Variants in FMNL3 observed in about 807,000 individuals in gnomAD.
FMNL3 encodes formin like 3, also known as formin-like protein 3.
FMNL3 carries 57 observed loss-of-function variants against 119.6 expected under a neutral mutation model. That is an observed-to-expected ratio of 0.48 (90% CI 0.39 to 0.59). The LOEUF is 0.59. FMNL3 is among the 20% of genes least tolerant of loss of function. The probability of loss-of-function intolerance (pLI) is 0.00; values close to 1 mark genes in which losing one functional copy is unlikely to be tolerated. For synonymous variants in FMNL3, 491 were observed against 507.3 expected (o/e 0.97, Z 0.43); for missense variants, 1,053 against 1,323.5 (o/e 0.80, Z 3.17).
chr12:49,695,925 AT>A (rs1044044586), intron 1 of FMNL3, among the ~76,000 whole-genome samples: 13 of 152,126 alleles, frequency 8.5e-5, no homozygotes, highest in African/African-American at 3.1e-4. Flanking sequence ...CTACCCAGAT[AT>A]TCCCCCAAGG....
Position 49,687,968 on chromosome 12 carries a change from G to A in FMNL3, c.126+19087C>T, listed in dbSNP as rs567128191. 2.6e-5 allele frequency among the ~76,000 whole-genome samples: 4 copies of A among 152,262 alleles called. No individual in the cohort carries two copies. In the South Asian group the frequency reaches 6.2e-4, roughly 24 times the overall value. On this transcript the variant is annotated intron_variant, in intron 1 of 25. Transcript: ENST00000335154. ...AGAAAATGGAACAGCACCCAGGGAGGAGACACATTTTTCCTCCAGTTAAGT... is the reference window on the plus strand; with the variant it reads ...AGAAAATGGAACAGCACCCAGGGAGAAGACACATTTTTCCTCCAGTTAAGT...
At chr12:49,678,799 G>C (rs1944261937) in intron 1 of FMNL3, among the ~76,000 whole-genome samples, 1 of 152,142 alleles carries the variant, frequency 6.6e-6, no homozygotes, top group Admixed American at 6.6e-5. Flanking sequence ...GAAGGAATCA[G>C]GCAAAGGCAA....
Position 49,644,957 on chromosome 12 carries a change from G to C in FMNL3, c.*858C>G, listed in dbSNP as rs1371832666. 1 of 152,240 alleles carries C rather than the reference G, an allele frequency of 6.6e-6. No homozygotes were observed. The highest frequency in any genetic ancestry group is 1.9e-4 in the East Asian group (1 of 5,196). The allele number at this position is 152,240 out of a possible 1,614,324, so 9.4% of individuals were successfully genotyped here. ...CTGGTGCATCAAGCCTTTGTTGAGA[G>C]GGGGAGAGTCTGAGGTTTATGTACA... On this transcript the variant is annotated 3_prime_UTR_variant, in exon 26 of 26. Transcript: ENST00000335154.
chr12:49,687,038 C>T (rs1944481776), intron 1 of FMNL3, among the ~76,000 whole-genome samples: 1 of 152,104 alleles, frequency 6.6e-6, no homozygotes, highest in Non-Finnish European at 1.5e-5. Flanking sequence ...TCTCTTATAG[C>T]TCAACCCCCA....
intron 1 of FMNL3, among the ~76,000 whole-genome samples, chr12:49,690,196 C>T (rs1944565433): frequency 6.6e-6 from 1 of 152,224 alleles, no homozygotes; most frequent in Non-Finnish European, 1.5e-5. Context: ...GTTTTAAGTA[C>T]ATACACATTT....
intron 1 of FMNL3, among the ~76,000 whole-genome samples, chr12:49,692,861 A>C (rs1367597918): frequency 6.6e-6 from 1 of 152,236 alleles, no homozygotes; most frequent in Non-Finnish European, 1.5e-5. Flanking sequence ...AAGATCTGAG[A>C]GGTGGCATTT....
intron 1 of FMNL3, among the ~76,000 whole-genome samples, chr12:49,703,844 C>T (rs546780712): frequency 1.3e-5 from 2 of 152,272 alleles, no homozygotes; most frequent in African/African-American, 2.4e-5. Context: ...ACTTCCCCAG[C>T]GAGGATACTC....
chr12:49,664,149 G>C (rs1943819778), intron 4 of FMNL3, among the ~76,000 whole-genome samples: 1 of 152,260 alleles, frequency 6.6e-6, no homozygotes, highest in Non-Finnish European at 1.5e-5. Context: ...TCGGAAGGCA[G>C]AGGCAGAATG....
At chr12:49,693,836 C>G (rs577279201) in intron 1 of FMNL3, among the ~76,000 whole-genome samples, 4 of 150,904 alleles carry the variant, frequency 2.7e-5, no homozygotes, top group African/African-American at 9.8e-5. Flanking sequence ...TTAGTAGAGG[C>G]GGGGTTTCTC....
rs1487367848 is a variant in FMNL3 at position 49,666,110 on chromosome 12, T to C, written c.291+17A>G. 1.9e-6 allele frequency: 3 copies of C among 1,612,270 alleles called. No individual in the cohort carries two copies. The African/African-American group carries it at 4.0e-5, about 22-fold the overall frequency. On this transcript the variant is annotated intron_variant, in intron 3 of 25. Coordinates refer to ENST00000335154, the MANE Select transcript of FMNL3 (RefSeq NM_175736.5). ...ATAAAGGGTGGCAAGACGGGGACTC[T>C]CTGCCTCATACTTCACCTTCCGAGT...
Position 49,637,893 on chromosome 12 carries a change from T to C in FMNL3, c.*7922A>G. ...GGCACACTCCCTGCAGAGGACTCCCTGATAAGTCCTGTTTTGCAGAAGCAT... is the reference window on the plus strand; with the variant it reads ...GGCACACTCCCTGCAGAGGACTCCCCGATAAGTCCTGTTTTGCAGAAGCAT... On this transcript the variant is annotated 3_prime_UTR_variant, in exon 26 of 26. Transcript: ENST00000335154. 1 of 1,286,110 alleles carries C rather than the reference T, an allele frequency of 7.8e-7. No homozygotes were observed. The highest frequency in any genetic ancestry group is 1.1e-6 in the Non-Finnish European group (1 of 893,728). 79.7% of individuals were successfully genotyped at this position (1,286,110 alleles called of 1,614,324 possible).
At chr12:49,701,801 G>A (rs1179788536) in intron 1 of FMNL3, among the ~76,000 whole-genome samples, 2 of 152,090 alleles carry the variant, frequency 1.3e-5, no homozygotes, top group Non-Finnish European at 2.9e-5. Context: ...GCAGGCGCCT[G>A]TCATCCCAGC....
rs764554771 is a variant in FMNL3 at position 49,648,300 on chromosome 12, G to C, written c.2569C>G (p.Leu857Val). 2 of 1,613,734 alleles carry C rather than the reference G, an allele frequency of 1.2e-6. No homozygotes were observed. Among genetic ancestry groups the C allele is most frequent in the Non-Finnish European group, 8.5e-7 (1 of 1,179,854 alleles). The change falls in exon 22 of 26, where the codon CTG (leucine) becomes GTG (valine). Residue 857 changes from leucine (L) to valine (V), a missense_variant. Leu to Val is a conservative substitution (Grantham distance 32). Transcript: ENST00000335154. ...DVKELGRGMELIRRECSIHDN... is the reference protein window; with the variant it reads ...DVKELGRGMEVIRRECSIHDN... Reference sequence around the variant, plus strand: ...TGGATGCTGCACTCACGCCGAATCAGCTCCATGCCCCGGCCCAGCTCCTTC... The same window carrying C: ...TGGATGCTGCACTCACGCCGAATCACCTCCATGCCCCGGCCCAGCTCCTTC...
chr12:49,702,817 A>G (rs1944944977), intron 1 of FMNL3, among the ~76,000 whole-genome samples: 1 of 152,170 alleles, frequency 6.6e-6, no homozygotes, highest in Non-Finnish European at 1.5e-5. Context: ...TTCTAGCCTG[A>G]ACTAATTCAC....
At position 49,688,993 on chromosome 12, in the gene FMNL3, C is replaced by T. The variant is rs1944536950; in HGVS notation, c.126+18062G>A. On this transcript the variant is annotated intron_variant, in intron 1 of 25. Transcript: ENST00000335154. Reference sequence around the variant, plus strand: ...ATGGGCTGGGCATGGTGGCTCATGCCTGTAATCTCAGCACTTTGGGAGGCT... The same window carrying T: ...ATGGGCTGGGCATGGTGGCTCATGCTTGTAATCTCAGCACTTTGGGAGGCT... 5.9e-5 allele frequency among the ~76,000 whole-genome samples: 9 copies of T among 152,328 alleles called. No individual in the cohort carries two copies. The South Asian group carries it at 1.7e-3, about 28-fold the overall frequency.
intron 2 of FMNL3, 44 bp downstream of exon 2, chr12:49,668,427 A>G: frequency 6.2e-7 from 1 of 1,600,426 alleles, no homozygotes; most frequent in Non-Finnish European, 8.6e-7. Flanking sequence ...TAGCCAGCCC[A>G]AGACACAACT....
At chr12:49,705,298 C>T (rs544941502) in intron 1 of FMNL3, among the ~76,000 whole-genome samples, 1 of 152,288 alleles carries the variant, frequency 6.6e-6, no homozygotes, top group Non-Finnish European at 1.5e-5. Context: ...GACCTGGGTT[C>T]TCCTGGTGCT....
Position 49,657,187 on chromosome 12 carries a change from A to G in FMNL3, c.609T>C (p.Tyr203=), listed in dbSNP as rs777960876. The change falls in exon 7 of 26, where the codon TAT becomes TAC. Residue 203 remains tyrosine, a synonymous_variant. Coordinates refer to ENST00000335154, the MANE Select transcript of FMNL3 (RefSeq NM_175736.5). The part of the protein sequence containing the change: ...ARSARQSVLR[Y]STLPGRRALK... ...GGGCCCTGCGCCCAGGGAGAGTGCT[A>G]TACCTGGGGAGATGGGCCAGGCAGT... 6.2e-6 allele frequency: 10 copies of G among 1,612,302 alleles called. No homozygotes were observed. The highest frequency in any genetic ancestry group is 8.5e-6 in the Non-Finnish European group (10 of 1,178,614).
chr12:49,670,820 G>T (rs1267283181), intron 1 of FMNL3, among the ~76,000 whole-genome samples: 1 of 152,220 alleles, frequency 6.6e-6, no homozygotes, highest in South Asian at 2.1e-4. Flanking sequence ...CAGGACAGGA[G>T]CAAGAGGCCT....
Sources: allele counts gnomAD v4.1 joint callset (sites outside exome capture counted in the v4.1 genomes callset), GRCh38; gene constraint gnomAD v4.1.1; transcripts MANE v1.5; gene names NCBI Gene and HGNC (gene_info 2026-07-23, HGNC 2026-07-21).